LRRC7: variants seen among roughly 807,000 people sequenced by gnomAD.
LRRC7 encodes leucine rich repeat containing 7.
In LRRC7, 23 loss-of-function variants were observed where a neutral mutation model predicts 175.7. The observed-to-expected ratio is 0.13, with a 90% CI of 0.09 to 0.19. The LOEUF (loss-of-function observed/expected upper bound fraction) is 0.19, where lower values mean the gene tolerates loss of function less well. LRRC7 is among the 10% of genes least tolerant of loss of function. The pLI, the probability that LRRC7 is intolerant of heterozygous loss-of-function variation, is 1.00. For synonymous variants in LRRC7, 685 were observed against 680.9 expected (o/e 1.01, Z -0.09); for missense variants, 1,354 against 1,904.7 (o/e 0.71, Z 5.38).
chr1:69,649,716 T>C (rs1655506883), intron 1 of LRRC7, among the ~76,000 whole-genome samples: 1 of 152,058 alleles, frequency 6.6e-6, no homozygotes, highest in African/African-American at 2.4e-5. Context: ...CAAAAGTATA[T>C]GGTTTGGTAG....
rs1028001227 is a variant in LRRC7 at position 69,568,273 on chromosome 1, T to TCCGCCA, written c.-361_-356dup. On this transcript the variant is annotated 5_prime_UTR_variant, in exon 1 of 27. Transcript: ENST00000651989. ...CTGGGGGCGGGGAGGGAGCTGCGCC[T>TCCGCCA]CCGCCACCGCCGCCGCCGCCGCCGC... 8.6e-5 allele frequency: 18 copies of TCCGCCA among 209,156 alleles called. No individual in the cohort carries two copies. In the East Asian group the frequency reaches 1.0e-3, roughly 12 times the overall value. 13.0% of individuals were successfully genotyped at this position (209,156 alleles called of 1,614,324 possible). A position where few individuals can be genotyped will look rare whatever the true frequency, so the allele number is the denominator to read the frequency against.
intron 7 of LRRC7, among the ~76,000 whole-genome samples, chr1:69,902,983 C>T (rs1646181280): frequency 6.6e-6 from 1 of 152,116 alleles, no homozygotes; most frequent in Admixed American, 6.6e-5. Flanking sequence ...TTTTATTGTA[C>T]AGTCCATTAT....
chr1:69,591,630 C>A (rs190527283), intron 1 of LRRC7, among the ~76,000 whole-genome samples: 1 of 151,996 alleles, frequency 6.6e-6, no homozygotes, highest in Non-Finnish European at 1.5e-5. Context: ...AATCCAATAT[C>A]ACCAAGATAA....
intron 3 of LRRC7, among the ~76,000 whole-genome samples, chr1:69,791,249 T>C (rs1166080605): frequency 1.3e-5 from 2 of 152,038 alleles, no homozygotes; most frequent in Non-Finnish European, 2.9e-5. Flanking sequence ...CAAAATATGA[T>C]ACTGCAAACA....
chr1:69,696,308 C>T (rs917775740), intron 2 of LRRC7, among the ~76,000 whole-genome samples: 1 of 152,168 alleles, frequency 6.6e-6, no homozygotes, highest in Non-Finnish European at 1.5e-5. Flanking sequence ...TGTGTGGAAC[C>T]TACTGCTCCT....
rs1174079610 is a variant in LRRC7 at position 70,127,884 on chromosome 1, A to G, written c.*5997A>G. ...AAGACAAGGTCTGGGTCAAATTTCC[A>G]CAGGTGAGATTTTGAAACCTGGCAT... On this transcript the variant is annotated 3_prime_UTR_variant, in exon 27 of 27. Coordinates refer to ENST00000651989, the MANE Select transcript of LRRC7 (RefSeq NM_001370785.2). Among the ~76,000 whole-genome samples, 2 of 152,154 alleles carry G rather than the reference A, an allele frequency of 1.3e-5. No homozygotes were observed. Among genetic ancestry groups the G allele is most frequent in the African/African-American group, 4.8e-5 (2 of 41,428 alleles).
rs1254949737 is a variant in LRRC7, at chr1:70,143,689, C to T, written c.*21802C>T. 2 of 152,056 alleles carry T rather than the reference C, an allele frequency of 1.3e-5. No homozygotes were observed. Among genetic ancestry groups the T allele is most frequent in the Non-Finnish European group, 2.9e-5 (2 of 67,992 alleles). 9.4% of individuals were successfully genotyped at this position (152,056 alleles called of 1,614,324 possible). ...ATTTAAGGTTTTCTACTTGGGTGTA[C>T]TCTAGCCAATTCAAAACAAATTGCT... On this transcript the variant is annotated 3_prime_UTR_variant, in exon 27 of 27. Coordinates refer to ENST00000651989, the MANE Select transcript of LRRC7 (RefSeq NM_001370785.2).
chr1:69,836,854 A>T (rs1681169571), intron 6 of LRRC7, among the ~76,000 whole-genome samples: 1 of 151,840 alleles, frequency 6.6e-6, no homozygotes, highest in Non-Finnish European at 1.5e-5. Context: ...TAAGATTAAA[A>T]TTAAATAAAA....
At position 70,127,871 on chromosome 1, in the gene LRRC7, G is replaced by A. The variant is rs762221295; in HGVS notation, c.*5984G>A. On this transcript the variant is annotated 3_prime_UTR_variant, in exon 27 of 27. Transcript: ENST00000651989. Reference sequence around the variant, plus strand: ...GTAGTCCTACCCAAAGACAAGGTCTGGGTCAAATTTCCACAGGTGAGATTT... The same window carrying A: ...GTAGTCCTACCCAAAGACAAGGTCTAGGTCAAATTTCCACAGGTGAGATTT... 1.3e-5 allele frequency among the ~76,000 whole-genome samples: 2 copies of A among 152,148 alleles called. No individual in the cohort carries two copies. The highest frequency in any genetic ancestry group is 2.9e-5 in the Non-Finnish European group (2 of 68,014).
intron 2 of LRRC7, among the ~76,000 whole-genome samples, chr1:69,703,164 T>C (rs1445688967): frequency 1.3e-5 from 2 of 152,096 alleles, no homozygotes; most frequent in Non-Finnish European, 2.9e-5. Flanking sequence ...CATCAAACAA[T>C]GAAAACACAT....
Position 69,637,080 on chromosome 1 carries a change from T to TCTCTCTCTCTCTCTCTCTC in LRRC7, c.3-41301_3-41300insCTCTCTCTCTCTCTCTCTC, listed in dbSNP as rs1553130024. ...TTCCTTCGCCTTCACCCTTCTCTCTTTCTCTCTCTCTCTCTCTTCCCCTCC... is the reference window on the plus strand; with the variant it reads ...TTCCTTCGCCTTCACCCTTCTCTCTTCTCTCTCTCTCTCTCTCTCTCTCTCTCTCTCTCTCTTCCCCTCC... On this transcript the variant is annotated intron_variant, in intron 1 of 26. Coordinates refer to ENST00000651989, the MANE Select transcript of LRRC7 (RefSeq NM_001370785.2). Among the ~76,000 whole-genome samples, 361 of 148,680 alleles carry TCTCTCTCTCTCTCTCTCTC rather than the reference T, an allele frequency of 2.4e-3. 4 individuals carry two copies. Among genetic ancestry groups the TCTCTCTCTCTCTCTCTCTC allele is most frequent in the South Asian group, 5.8e-3 (27 of 4,660 alleles).
At chr1:69,619,183 C>T (rs146877916) in intron 1 of LRRC7, among the ~76,000 whole-genome samples, 50 of 152,178 alleles carry the variant, frequency 3.3e-4, no homozygotes, top group Middle Eastern at 3.4e-3. Context: ...AGTTCTCAAA[C>T]GCTGGTCCAT....
intron 4 of LRRC7, among the ~76,000 whole-genome samples, chr1:69,804,128 G>A (rs113960529): frequency 8.5e-4 from 128 of 151,274 alleles, no homozygotes; most frequent in African/African-American, 2.6e-3. Flanking sequence ...TTTATTCACC[G>A]TTGTTTTTAT....
intron 2 of LRRC7, among the ~76,000 whole-genome samples, chr1:69,718,148 G>GAAAGAAAGAAAGAAAGA (rs1557643523): frequency 7.0e-6 from 1 of 141,988 alleles, no homozygotes. Flanking sequence ...GAGAGAGAAA[G>GAAAGAAAGAAAGAAAGA]AAAGAAAGAA....
At chr1:70,001,206 T>A (rs1362896928) in intron 11 of LRRC7, among the ~76,000 whole-genome samples, 1 of 152,138 alleles carries the variant, frequency 6.6e-6, no homozygotes, top group Non-Finnish European at 1.5e-5. Context: ...TCAGAACAAC[T>A]ATATAGAAAT....
chr1:69,824,688 A>AT (rs1474092299), intron 4 of LRRC7, among the ~76,000 whole-genome samples: 1 of 152,104 alleles, frequency 6.6e-6, no homozygotes, highest in African/African-American at 2.4e-5. Context: ...GATGAATGAA[A>AT]TCTAAAAAGG....
At chr1:69,821,465 T>C (rs770436720) in intron 4 of LRRC7, among the ~76,000 whole-genome samples, 5 of 152,158 alleles carry the variant, frequency 3.3e-5, no homozygotes, top group Non-Finnish European at 7.4e-5. Flanking sequence ...TTTAACTTCT[T>C]GTTTTGTTCA....
intron 2 of LRRC7, among the ~76,000 whole-genome samples, chr1:69,694,282 A>T (rs964397672): frequency 1.3e-5 from 2 of 152,046 alleles, no homozygotes; most frequent in East Asian, 1.9e-4. Flanking sequence ...AATGCTTTAA[A>T]TTTTTTTTAT....
At chr1:69,873,936 T>C (rs1267043557) in intron 7 of LRRC7, 2 of 152,442 alleles carry the variant, frequency 1.3e-5, no homozygotes, top group Non-Finnish European at 2.9e-5. Flanking sequence ...TAAGCCATAA[T>C]TTAAAAGTCA....
Sources: allele counts gnomAD v4.1 joint callset (sites outside exome capture counted in the v4.1 genomes callset), GRCh38; gene constraint gnomAD v4.1.1; transcripts MANE v1.5; gene names NCBI Gene and HGNC (gene_info 2026-07-23, HGNC 2026-07-21).